Variants in SEPTIN9 observed in about 807,000 individuals in gnomAD.
The protein encoded by SEPTIN9 is septin 9.
SEPTIN9 carries 13 observed loss-of-function variants against 56.6 expected under a neutral mutation model. That is an observed-to-expected ratio of 0.23 (90% CI 0.15 to 0.37). SEPTIN9 has a LOEUF of 0.37. SEPTIN9 is among the 10% of genes least tolerant of loss of function. The pLI is 1.00. For synonymous variants in SEPTIN9, 332 were observed against 334.1 expected (o/e 0.99, Z 0.07); for missense variants, 650 against 823.1 (o/e 0.79, Z 2.57).
At chr17:77,471,868 G>A (rs1598427994) in intron 3 of SEPTIN9, among the ~76,000 whole-genome samples, 3 of 152,178 alleles carry the variant, frequency 2.0e-5, no homozygotes, top group East Asian at 3.9e-4. Context: ...GGGTGGGGAA[G>A]GCATCAGGGC....
intron 10 of SEPTIN9, among the ~76,000 whole-genome samples, chr17:77,494,792 G>A (rs1289479469): frequency 2.6e-5 from 4 of 152,210 alleles, no homozygotes; most frequent in South Asian, 2.1e-4. Flanking sequence ...AGACTCCCTC[G>A]AGATGGGAGT....
At position 77,382,771 on chromosome 17, in the gene SEPTIN9, T is replaced by C. The variant is rs371115167; in HGVS notation, c.77-19288T>C. Among the ~76,000 whole-genome samples, 48 of 152,138 alleles carry C rather than the reference T, an allele frequency of 3.2e-4. 3 individuals are homozygous for C. The highest frequency in any genetic ancestry group is 2.5e-3 in the South Asian group (12 of 4,820). On this transcript the variant is annotated intron_variant, in intron 2 of 11. Transcript: ENST00000427177. Reference sequence around the variant, plus strand: ...CCTTGGGGTCGGGTGGGGGAGGAGATCCTTCATTCGCACCTTTGCAGGCCC... The same window carrying C: ...CCTTGGGGTCGGGTGGGGGAGGAGACCCTTCATTCGCACCTTTGCAGGCCC...
rs1165416244 is a variant in SEPTIN9, at chr17:77,292,482, G to GT, written c.19+10934dup. ...TGGCTCTTCCTTGTTGGAGTCTGCA[G>GT]TTTTTTGTTTTTTTTTTTTTAAATT... is the stretch of plus-strand genomic sequence containing the variant. On this transcript the variant is annotated intron_variant, in intron 1 of 11. Coordinates refer to ENST00000427177, the MANE Select transcript of SEPTIN9 (RefSeq NM_001113491.2). 5.3e-3 allele frequency among the ~76,000 whole-genome samples: 796 copies of GT among 150,808 alleles called. 3 individuals are homozygous for GT. Among genetic ancestry groups the GT allele is most frequent in the African/African-American group, 0.015 (606 of 40,910 alleles).
intron 3 of SEPTIN9, among the ~76,000 whole-genome samples, chr17:77,461,108 CA>C (rs2038453208): frequency 6.6e-6 from 1 of 151,922 alleles, no homozygotes; most frequent in South Asian, 2.1e-4. Flanking sequence ...AGTTCGAGAC[CA>C]GCCTGGCCAA....
intron 3 of SEPTIN9, among the ~76,000 whole-genome samples, chr17:77,477,740 G>A (rs574700224): frequency 6.6e-6 from 1 of 152,300 alleles, no homozygotes; most frequent in East Asian, 1.9e-4. Flanking sequence ...CCAGAAACCA[G>A]AGCCTGAGGC....
rs532145020 is a variant in SEPTIN9 at position 77,487,190 on chromosome 17, G to C, written c.914-234G>C. On this transcript the variant is annotated intron_variant, in intron 4 of 11. Transcript: ENST00000427177. This position sits in a 1 kb window ranked among gnomAD's most constrained non-coding sequence, Gnocchi z 4.3. ...GCTCACCTCTCAGGAGAGGACTGTG[G>C]CCTGGGTTGTGCTGGCATCAGAGCC... Among the ~76,000 whole-genome samples, 77 of 152,338 alleles carry C rather than the reference G, an allele frequency of 5.1e-4. No individual in the cohort carries two copies. The highest frequency in any genetic ancestry group is 8.7e-4 in the Non-Finnish European group (59 of 68,016).
intron 2 of SEPTIN9, among the ~76,000 whole-genome samples, chr17:77,381,644 G>C (rs1438429262): frequency 6.6e-6 from 1 of 152,256 alleles, no homozygotes; most frequent in Admixed American, 6.5e-5. Context: ...AGGGAATGGA[G>C]TGCTCTGTAT....
chr17:77,291,666 G>A (rs1425501302), intron 1 of SEPTIN9, among the ~76,000 whole-genome samples: 1 of 151,986 alleles, frequency 6.6e-6, no homozygotes, highest in Non-Finnish European at 1.5e-5. Flanking sequence ...GTAGCGACAG[G>A]GTCTTGTTTT....
chr17:77,341,260 T>C (rs1029978944), intron 2 of SEPTIN9, among the ~76,000 whole-genome samples: 5 of 152,190 alleles, frequency 3.3e-5, no homozygotes, highest in Admixed American at 6.5e-5. Flanking sequence ...GGGTGACTCT[T>C]CCTTTCACTT....
In SEPTIN9 at chr17:77,373,725, C is replaced by A. The variant is rs969360242; in HGVS notation, c.77-28334C>A. ...GCGCCGCGCGCCCCCGGCCCCGTGC[C>A]CGCGCCGCCTACGTGGGGGACCCTG... On this transcript the variant is annotated intron_variant, in intron 2 of 11. Transcript: ENST00000427177. The A allele has an allele frequency of 7.8e-6, 10 of 1,285,922 alleles. No individual in the cohort carries two copies. In the African/African-American group the frequency reaches 1.1e-4, roughly 14 times the overall value. 79.7% of individuals were successfully genotyped at this position (1,285,922 alleles called of 1,614,324 possible). A position where few individuals can be genotyped will look rare whatever the true frequency, so the allele number is the denominator to read the frequency against.
chr17:77,382,519 G>A (rs1274466888), intron 2 of SEPTIN9, among the ~76,000 whole-genome samples: 3 of 152,178 alleles, frequency 2.0e-5, no homozygotes, highest in Admixed American at 6.5e-5. Context: ...TGCTGCGCAC[G>A]AGATCCAGGC....
intron 3 of SEPTIN9, 143 bp from the exon 4 acceptor site, chr17:77,481,999 CAG>C (rs1218191650): frequency 4.1e-6 from 3 of 738,952 alleles, no homozygotes; most frequent in Non-Finnish European, 6.5e-6. Flanking sequence ...GGGGAATTCT[CAG>C]GGGTCGCCTG....
chr17:77,289,148 G>A (rs1294433341), intron 1 of SEPTIN9, among the ~76,000 whole-genome samples: 2 of 152,230 alleles, frequency 1.3e-5, no homozygotes, highest in African/African-American at 4.8e-5. Context: ...CCAGGCTGGA[G>A]TGTGGTGGCT....
chr17:77,414,340 G>C (rs1598337214), intron 3 of SEPTIN9, among the ~76,000 whole-genome samples: 1 of 152,138 alleles, frequency 6.6e-6, no homozygotes, highest in South Asian at 2.1e-4. Flanking sequence ...CTCCCAAAGT[G>C]CTGGGATTAC....
chr17:77,483,948 T>C (rs1343364123), intron 4 of SEPTIN9: 1 of 152,080 alleles, frequency 6.6e-6, no homozygotes, highest in African/African-American at 2.4e-5. Context: ...GCAGGCAAGG[T>C]GGAGGGGCAC....
chr17:77,481,797 A>C (rs1178723862), intron 3 of SEPTIN9: 1 of 322,466 alleles, frequency 3.1e-6, no homozygotes, highest in Non-Finnish European at 5.8e-6. Flanking sequence ...GCAGCCCTCC[A>C]GGGTACGGAG....
At position 77,487,791 on chromosome 17, in the gene SEPTIN9, A is replaced by G. The variant is rs1171002963; in HGVS notation, c.1042+239A>G. Among the ~76,000 whole-genome samples, 1 of 151,204 alleles carries G rather than the reference A, an allele frequency of 6.6e-6. No homozygotes were observed. The highest frequency in any genetic ancestry group is 2.4e-5 in the African/African-American group (1 of 40,990). On this transcript the variant is annotated intron_variant, in intron 5 of 11. Transcript: ENST00000427177. The surrounding 1 kb of genome is among the most constrained non-coding windows in gnomAD (Gnocchi z 4.3). ...TCCTGGAGCACAGGGGTTGGGGGTC[A>G]AGACCATCACACACGGTCAGTGGCT...
Position 77,488,331 on chromosome 17 carries a change from C to T in SEPTIN9, c.1124+10C>T. The T allele has an allele frequency of 6.2e-7, 1 of 1,611,362 alleles. No individual in the cohort carries two copies. Among genetic ancestry groups the T allele is most frequent in the South Asian group, 1.1e-5 (1 of 91,042 alleles). On this transcript the variant is annotated intron_variant, in intron 6 of 11. Transcript: ENST00000427177. ...TCAACAACGAGAACTGGTGAGGCCC[C>T]TCCAGGGGGAGGAGCACTAGCGGGG...
chr17:77,488,440 C>T (rs1371328826), intron 6 of SEPTIN9, 119 bp downstream of exon 6: 1 of 954,926 alleles, frequency 1.0e-6, no homozygotes, highest in East Asian at 2.5e-5. Context: ...CTCCTGGGAC[C>T]TGACATGCTG....
Sources: allele counts gnomAD v4.1 joint callset (sites outside exome capture counted in the v4.1 genomes callset), GRCh38; gene constraint gnomAD v4.1.1; non-coding constraint Gnocchi (gnomAD v3.1); transcripts MANE v1.5; gene names NCBI Gene and HGNC (gene_info 2026-07-23, HGNC 2026-07-21).